Variants in EPHA6 observed in about 807,000 individuals in gnomAD.
The protein encoded by EPHA6 is EPH receptor A6, also known as ephrin type-A receptor 6.
Under a neutral mutation model 112.0 loss-of-function variants are expected in EPHA6, and 50 were observed. The ratio of observed to expected loss-of-function variants is 0.45; its 90% CI spans 0.36 to 0.56. The LOEUF (loss-of-function observed/expected upper bound fraction) is 0.56, where lower values mean the gene tolerates loss of function less well. Among genes scored for constraint, EPHA6 ranks in the 20% least tolerant of loss-of-function variants. EPHA6 has a pLI of 0.00. For missense variants in EPHA6, 1,280 were observed against 1,417.4 expected, an observed-to-expected ratio of 0.90 and a Z score of 1.56; for synonymous variants, 529 against 490.7, an observed-to-expected ratio of 1.08 and a Z score of -1.03.
chr3:97,724,239 G>T (rs2034655485), intron 15 of EPHA6, among the ~76,000 whole-genome samples: 1 of 152,040 alleles, frequency 6.6e-6, no homozygotes, highest in Non-Finnish European at 1.5e-5. Context: ...TTATTACAAT[G>T]AACAATTCTG....
At chr3:97,021,019 A>G (rs896874538) in intron 3 of EPHA6, among the ~76,000 whole-genome samples, 6 of 152,184 alleles carry the variant, frequency 3.9e-5, no homozygotes, top group Admixed American at 2.6e-4. Flanking sequence ...TTCAGCATAG[A>G]TATCTAAATA....
intron 11 of EPHA6, among the ~76,000 whole-genome samples, chr3:97,583,357 G>A (rs1204810402): frequency 6.6e-6 from 1 of 151,900 alleles, no homozygotes; most frequent in Non-Finnish European, 1.5e-5. Context: ...GGCTAACACG[G>A]TGAAACCCCG....
At chr3:97,721,477 T>C (rs547559993) in intron 15 of EPHA6, among the ~76,000 whole-genome samples, 1 of 152,328 alleles carries the variant, frequency 6.6e-6, no homozygotes, top group African/African-American at 2.4e-5. Flanking sequence ...GCTGACTCCT[T>C]AGTACTGTGG....
intron 3 of EPHA6, among the ~76,000 whole-genome samples, chr3:97,031,327 T>C (rs1300749074): frequency 1.3e-5 from 2 of 151,988 alleles, no homozygotes; most frequent in Non-Finnish European, 2.9e-5. Flanking sequence ...ATGTTAGACG[T>C]AAAACCATAA....
At chr3:97,109,288 T>C (rs971959879) in intron 3 of EPHA6, among the ~76,000 whole-genome samples, 1 of 152,176 alleles carries the variant, frequency 6.6e-6, no homozygotes, top group African/African-American at 2.4e-5. Context: ...TCTAACTTTT[T>C]ATAGACATGC....
intron 10 of EPHA6, among the ~76,000 whole-genome samples, chr3:97,508,548 G>A (rs1577614365): frequency 1.3e-5 from 2 of 152,040 alleles, no homozygotes; most frequent in East Asian, 1.9e-4. Flanking sequence ...TCCATTTTTT[G>A]CATTTGCTGA....
At chr3:96,942,940 G>A (rs1448084240) in intron 2 of EPHA6, among the ~76,000 whole-genome samples, 1 of 151,738 alleles carries the variant, frequency 6.6e-6, no homozygotes, top group East Asian at 1.9e-4. Context: ...CTGTGCAATT[G>A]CACACCAGAA....
intron 14 of EPHA6, among the ~76,000 whole-genome samples, chr3:97,686,255 T>A (rs1046350835): frequency 1.3e-5 from 2 of 152,190 alleles, no homozygotes; most frequent in Non-Finnish European, 2.9e-5. Flanking sequence ...GGTCAGCTAT[T>A]GGACATCTAG....
intron 3 of EPHA6, among the ~76,000 whole-genome samples, chr3:97,173,143 C>T (rs1332326446): frequency 6.6e-6 from 1 of 151,770 alleles, no homozygotes; most frequent in Admixed American, 6.6e-5. Flanking sequence ...TACACTTGGA[C>T]AAGTTAGATA....
At chr3:96,883,315 T>C (rs1701208997) in intron 2 of EPHA6, among the ~76,000 whole-genome samples, 1 of 152,330 alleles carries the variant, frequency 6.6e-6, no homozygotes, top group African/African-American at 2.4e-5. Flanking sequence ...ATTCTGGATA[T>C]TAGTCCTTTG....
At chr3:96,847,217 T>C in intron 1 of EPHA6, among the ~76,000 whole-genome samples, 1 of 152,244 alleles carries the variant, frequency 6.6e-6, no homozygotes, top group East Asian at 1.9e-4. Context: ...AAAATATAAT[T>C]ATAACTAGGT....
intron 3 of EPHA6, among the ~76,000 whole-genome samples, chr3:96,998,337 A>G (rs1157578202): frequency 2.0e-5 from 3 of 151,964 alleles, no homozygotes; most frequent in Non-Finnish European, 2.9e-5. Context: ...AGTTGGAAAC[A>G]TCAATATATA....
rs1318939933 is a variant in EPHA6 at position 97,755,869 on chromosome 3, G to A, written c.*7168G>A. Among the ~76,000 whole-genome samples, 1 of 151,930 alleles carries A rather than the reference G, an allele frequency of 6.6e-6. No individual in the cohort carries two copies. Among genetic ancestry groups the A allele is most frequent in the East Asian group, 1.9e-4 (1 of 5,194 alleles). ...TTTAATTTTTCAAAATCATGATAGG[G>A]AGAAGAATGCTAATTTGTAAAGATA... On this transcript the variant is annotated 3_prime_UTR_variant, in exon 18 of 18. Coordinates refer to ENST00000389672, the MANE Select transcript of EPHA6 (RefSeq NM_001080448.3).
At chr3:97,305,969 C>T (rs1183729228) in intron 5 of EPHA6, among the ~76,000 whole-genome samples, 2 of 151,376 alleles carry the variant, frequency 1.3e-5, no homozygotes, top group Non-Finnish European at 3.0e-5. Flanking sequence ...CCAACACAAG[C>T]AAAGTTTAAA....
At chr3:97,662,967 T>G (rs1410285507) in intron 14 of EPHA6, among the ~76,000 whole-genome samples, 2 of 152,172 alleles carry the variant, frequency 1.3e-5, no homozygotes, top group Admixed American at 6.5e-5. Context: ...GGCAACAAGA[T>G]CTGGGAAGCA....
intron 6 of EPHA6, among the ~76,000 whole-genome samples, chr3:97,439,429 C>A (rs1285803913): frequency 1.3e-5 from 2 of 152,244 alleles, no homozygotes; most frequent in African/African-American, 2.4e-5. Context: ...TTTAGAGCAC[C>A]TTACCCACTA....
chr3:97,170,800 T>C (rs1023300040), intron 3 of EPHA6, among the ~76,000 whole-genome samples: 1 of 151,936 alleles, frequency 6.6e-6, no homozygotes, highest in Non-Finnish European at 1.5e-5. Context: ...GACAGAGAAA[T>C]AAATTCCAAG....
chr3:97,211,668 T>C (rs898554100), intron 3 of EPHA6, among the ~76,000 whole-genome samples: 1 of 152,182 alleles, frequency 6.6e-6, no homozygotes, highest in African/African-American at 2.4e-5. Flanking sequence ...AAAGTCCCCA[T>C]CTTCAAATAT....
rs1015637406 is a variant in EPHA6 at position 97,645,020 on chromosome 3, T to C, written c.2784+6938T>C. 5.9e-5 allele frequency among the ~76,000 whole-genome samples: 9 copies of C among 152,076 alleles called. No individual in the cohort carries two copies. In the East Asian group the frequency reaches 1.7e-3, roughly 30 times the overall value. On this transcript the variant is annotated intron_variant, in intron 14 of 17. Transcript: ENST00000389672. ...TTTAGACCAATATCCTTGATGAACA[T>C]TGATGCAAAAATCCTCAATAAAATA...
Sources: gnomAD v4.1 joint callset for allele counts (sites outside exome capture counted in the v4.1 genomes callset) on GRCh38, gnomAD v4.1.1 for gene constraint, MANE v1.5 for transcripts, NCBI Gene and HGNC (gene_info 2026-07-23, HGNC 2026-07-21) for gene names.